The following FTO variants were observed in gnomAD, a reference collection of about 807,000 sequenced individuals.
The protein encoded by FTO is FTO alpha-ketoglutarate dependent dioxygenase.
A neutral mutation model predicts 63.9 loss-of-function variants in FTO; 47 were observed. The ratio of observed to expected loss-of-function variants is 0.74; its 90% CI spans 0.58 to 0.94. FTO has a LOEUF of 0.94. Among genes scored for constraint, FTO ranks in the 40% least tolerant of loss-of-function variants. FTO has a pLI of 0.00. For missense variants in FTO, 562 were observed against 618.1 expected (o/e 0.91, Z 0.96); for synonymous variants, 207 against 224.4 (o/e 0.92, Z 0.69).
In FTO at chr16:53,810,581, T is replaced by C. The variant is rs141626455; in HGVS notation, c.123+364T>C. 1.8e-3 allele frequency among the ~76,000 whole-genome samples: 277 copies of C among 152,252 alleles called. 3 individuals are homozygous for C. Among genetic ancestry groups the C allele is most frequent in the African/African-American group, 6.2e-3 (259 of 41,560 alleles). On this transcript the variant is annotated intron_variant, in intron 2 of 8. Coordinates refer to ENST00000471389, the MANE Select transcript of FTO (RefSeq NM_001080432.3). ...CCTCCTTTGTGAACATTTTCCCAGC[T>C]TACCCTACCTACAAGTCAAGTTGAT...
At chr16:54,068,921 C>G (rs190533328) in intron 8 of FTO, among the ~76,000 whole-genome samples, 161 of 152,320 alleles carry the variant, frequency 1.1e-3, no homozygotes, top group African/African-American at 3.7e-3. Flanking sequence ...AGGCAGAGAG[C>G]AGCAGCCCCA....
At chr16:53,825,722 A>C in intron 2 of FTO, 142 bp from the exon 3 acceptor site, 1 of 872,130 alleles carries the variant, frequency 1.1e-6, no homozygotes. Flanking sequence ...GTTTTGGGCT[A>C]GGAAGATGTG....
chr16:54,096,464 G>A (rs2086518634), intron 8 of FTO, among the ~76,000 whole-genome samples: 1 of 152,140 alleles, frequency 6.6e-6, no homozygotes, highest in Admixed American at 6.5e-5. Flanking sequence ...AACATCCATA[G>A]GCAAATGGAG....
chr16:53,791,406 T>C lies in FTO; in HGVS notation c.46-18734T>C, dbSNP rs554896453. 6.6e-5 allele frequency among the ~76,000 whole-genome samples: 10 copies of C among 152,318 alleles called. No individual in the cohort carries two copies. The East Asian group carries it at 9.6e-4, about 15-fold the overall frequency. On this transcript the variant is annotated intron_variant, in intron 1 of 8. Transcript: ENST00000471389. Reference sequence around the variant, plus strand: ...CTGTACTCTCCCACCTTTTTTTCTTTGTGGTTGTAGGTGGTTGTAGGCTAC... The same window carrying C: ...CTGTACTCTCCCACCTTTTTTTCTTCGTGGTTGTAGGTGGTTGTAGGCTAC...
chr16:53,760,144 A>C (rs1397054736), intron 1 of FTO, among the ~76,000 whole-genome samples: 1 of 150,732 alleles, frequency 6.6e-6, no homozygotes, highest in Non-Finnish European at 1.5e-5. Flanking sequence ...ATGGGAGCTC[A>C]CTTCTTATTG....
chr16:53,930,364 C>T (rs897797838), intron 7 of FTO, among the ~76,000 whole-genome samples: 4 of 150,718 alleles, frequency 2.7e-5, no homozygotes, highest in Admixed American at 6.6e-5. Context: ...GCTGGGACTA[C>T]GGGCACCTGC....
chr16:54,034,673 T>TA (rs2084906637), intron 8 of FTO, among the ~76,000 whole-genome samples: 1 of 152,184 alleles, frequency 6.6e-6, no homozygotes, highest in African/African-American at 2.4e-5. Context: ...AAGGGGTCAT[T>TA]AATGCTTTCA....
At chr16:54,065,552 A>C (rs1189041894) in intron 8 of FTO, among the ~76,000 whole-genome samples, 1 of 152,160 alleles carries the variant, frequency 6.6e-6, no homozygotes, top group East Asian at 1.9e-4. Context: ...AGCATTTGTC[A>C]ATAAAAAGTG....
At chr16:53,952,428 C>G (rs1230202144) in intron 8 of FTO, among the ~76,000 whole-genome samples, 1 of 152,104 alleles carries the variant, frequency 6.6e-6, no homozygotes, top group African/African-American at 2.4e-5. Flanking sequence ...CTGACTGGAC[C>G]CTGCTGAGCC....
intron 8 of FTO, among the ~76,000 whole-genome samples, chr16:53,970,115 G>T (rs1303302020): frequency 6.6e-6 from 1 of 152,208 alleles, no homozygotes; most frequent in African/African-American, 2.4e-5. Context: ...GAGAGTAGTA[G>T]ATTGGACCGT....
intron 4 of FTO, among the ~76,000 whole-genome samples, chr16:53,848,391 C>A (rs576740831): frequency 2.6e-5 from 4 of 152,216 alleles, no homozygotes; most frequent in East Asian, 3.9e-4. Context: ...GGGAACGTGT[C>A]GGGTGCCTGT....
chr16:53,766,277 G>A (rs1490082301), intron 1 of FTO, among the ~76,000 whole-genome samples: 1 of 152,158 alleles, frequency 6.6e-6, no homozygotes, highest in Non-Finnish European at 1.5e-5. Flanking sequence ...CCAGGCCGGA[G>A]TGCAGTGGCG....
chr16:54,017,230 A>G (rs1251094502), intron 8 of FTO, among the ~76,000 whole-genome samples: 1 of 152,198 alleles, frequency 6.6e-6, no homozygotes, highest in African/African-American at 2.4e-5. Context: ...TTTTTTATCG[A>G]CACCAAATCA....
At chr16:53,785,865 C>T (rs1244859070) in intron 1 of FTO, among the ~76,000 whole-genome samples, 2 of 150,634 alleles carry the variant, frequency 1.3e-5, no homozygotes, top group African/African-American at 4.9e-5. Flanking sequence ...AGCCGAGATT[C>T]CGCCGCTGCA....
At chr16:53,804,907 G>T (rs1015516243) in intron 1 of FTO, among the ~76,000 whole-genome samples, 3 of 151,938 alleles carry the variant, frequency 2.0e-5, no homozygotes, top group African/African-American at 7.3e-5. Context: ...GAGCCACCGC[G>T]CCTGGCTCTT....
At chr16:53,976,999 G>C (rs1370879870) in intron 8 of FTO, among the ~76,000 whole-genome samples, 3 of 151,956 alleles carry the variant, frequency 2.0e-5, no homozygotes. Context: ...TCTTTTTCCT[G>C]TCTTGGCTGA....
At chr16:53,961,348 A>G (rs906452256) in intron 8 of FTO, among the ~76,000 whole-genome samples, 5 of 152,320 alleles carry the variant, frequency 3.3e-5, no homozygotes, top group Admixed American at 6.5e-5. Flanking sequence ...TAGTAGCAGC[A>G]TGTCTCCAGT....
chr16:54,099,878 C>T (rs1446129494), intron 8 of FTO, among the ~76,000 whole-genome samples: 3 of 152,170 alleles, frequency 2.0e-5, no homozygotes, highest in South Asian at 2.1e-4. Flanking sequence ...GACTCTACAG[C>T]GGCCTGAGTC....
rs774864017 is a variant in FTO, at chr16:53,826,082, T to C, written c.342T>C (p.Phe114=). ...ACAAGTACCTGAACACCAGGCTCTT[T>C]ACGGTCCCCTGGCCAGTGAAAGGGT... ...CTYKYLNTRL[F]TVPWPVKGSN... Residue 114 remains phenylalanine, a synonymous_variant, in exon 3 of 9, where the codon TTT becomes TTC. Transcript: ENST00000471389. 9 of 1,614,174 alleles carry C rather than the reference T, an allele frequency of 5.6e-6. No homozygotes were observed. The highest frequency in any genetic ancestry group is 7.6e-6 in the Non-Finnish European group (9 of 1,180,028).
Sources: gnomAD v4.1 joint callset for allele counts (sites outside exome capture counted in the v4.1 genomes callset) on GRCh38, gnomAD v4.1.1 for gene constraint, MANE v1.5 for transcripts, NCBI Gene and HGNC (gene_info 2026-07-23, HGNC 2026-07-21) for gene names.